OXSR1: variants seen among roughly 807,000 people sequenced by gnomAD.
The protein encoded by OXSR1 is oxidative stress responsive kinase 1.
Under a neutral mutation model 79.8 loss-of-function variants are expected in OXSR1, and 24 were observed. The ratio of observed to expected loss-of-function variants is 0.30; its 90% CI spans 0.22 to 0.42. The LOEUF (loss-of-function observed/expected upper bound fraction) is 0.42, where lower values mean the gene tolerates loss of function less well. OXSR1 is among the 10% of genes least tolerant of loss of function. OXSR1 has a pLI of 1.00. For synonymous variants in OXSR1, 226 were observed against 209.2 expected (o/e 1.08, Z -0.69); for missense variants, 430 against 618.4 (o/e 0.70, Z 3.23).
chr3:38,235,767 G>A (rs767749448), intron 10 of OXSR1, among the ~76,000 whole-genome samples: 4 of 152,194 alleles, frequency 2.6e-5, no homozygotes, highest in Non-Finnish European at 4.4e-5. Flanking sequence ...AATTACTGAT[G>A]CAGCCTTTTC....
intron 3 of OXSR1, among the ~76,000 whole-genome samples, chr3:38,196,716 C>T (rs1702078445): frequency 6.6e-6 from 1 of 152,114 alleles, no homozygotes; most frequent in African/African-American, 2.4e-5. Context: ...TTTTTATGTG[C>T]CCCAAGATAT....
rs770829518 is a variant in OXSR1, at chr3:38,252,933, T to C, written c.*42T>C. The C allele has an allele frequency of 9.5e-6, 14 of 1,478,360 alleles. 1 individual carries two copies. In the East Asian group the frequency reaches 3.2e-4, roughly 33 times the overall value. 91.6% of individuals were successfully genotyped at this position (1,478,360 alleles called of 1,614,324 possible). On this transcript the variant is annotated 3_prime_UTR_variant, in exon 18 of 18. Coordinates refer to ENST00000311806, the MANE Select transcript of OXSR1 (RefSeq NM_005109.3). ...AGGCGGCCTAAGGAGATTCCACACATGCGTATCTCTGTTGCTTCTATTGGC... is the reference window on the plus strand; with the variant it reads ...AGGCGGCCTAAGGAGATTCCACACACGCGTATCTCTGTTGCTTCTATTGGC...
intron 3 of OXSR1, chr3:38,193,392 C>A (rs538305159): frequency 1.6e-4 from 202 of 1,288,282 alleles, no homozygotes; most frequent in Non-Finnish European, 2.0e-4. Context: ...ATGGTTCTTT[C>A]AGTATGGAGA....
intron 13 of OXSR1, among the ~76,000 whole-genome samples, chr3:38,246,864 G>A (rs1331285706): frequency 3.9e-5 from 6 of 152,116 alleles, no homozygotes; most frequent in Non-Finnish European, 8.8e-5. Context: ...ATGGTACATG[G>A]TTAAAGTAAG....
At chr3:38,224,944 G>T (rs1702661839) in intron 8 of OXSR1, 1 of 236,736 alleles carries the variant, frequency 4.2e-6, no homozygotes, top group African/African-American at 2.3e-5. Context: ...GTTGTACATT[G>T]TGAATTCTGT....
intron 4 of OXSR1, among the ~76,000 whole-genome samples, chr3:38,211,028 G>T (rs1165507673): frequency 2.0e-5 from 3 of 152,144 alleles, no homozygotes; most frequent in Non-Finnish European, 4.4e-5. Flanking sequence ...AGGCCTGCTT[G>T]CCAAATAAAC....
intron 5 of OXSR1, among the ~76,000 whole-genome samples, chr3:38,218,465 C>A (rs949461473): frequency 2.6e-5 from 4 of 152,144 alleles, no homozygotes; most frequent in Admixed American, 1.3e-4. Context: ...TGTATATCTT[C>A]TTTGGAGAAA....
At chr3:38,166,937 G>T (rs997297894) in intron 1 of OXSR1, among the ~76,000 whole-genome samples, 1 of 152,284 alleles carries the variant, frequency 6.6e-6, no homozygotes, top group East Asian at 1.9e-4. Flanking sequence ...TAACATTTCA[G>T]TTGAGCCCTG....
intron 3 of OXSR1, among the ~76,000 whole-genome samples, chr3:38,192,243 G>T (rs953125277): frequency 6.6e-6 from 1 of 152,092 alleles, no homozygotes; most frequent in African/African-American, 2.4e-5. Context: ...AGTCACTCTT[G>T]TGTCCTCTTG....
intron 2 of OXSR1, among the ~76,000 whole-genome samples, chr3:38,185,078 C>T (rs921813059): frequency 3.3e-4 from 50 of 150,038 alleles, no homozygotes; most frequent in African/African-American, 1.1e-3. Flanking sequence ...ACATTGATCG[C>T]ACCATTGCAT....
At chr3:38,198,928 A>C in intron 4 of OXSR1, 65 bp downstream of exon 4, 1 of 1,372,354 alleles carries the variant, frequency 7.3e-7, no homozygotes, top group Non-Finnish European at 1.0e-6. Flanking sequence ...TCTTTTACAG[A>C]ATCGTGATCT....
intron 16 of OXSR1, 80 bp from the exon 17 acceptor site, chr3:38,252,248 C>T (rs920550450): frequency 2.1e-6 from 2 of 944,010 alleles, no homozygotes; most frequent in Non-Finnish European, 1.8e-6. Context: ...TCTTAACTAC[C>T]ATTTAAGCTT....
intron 1 of OXSR1, among the ~76,000 whole-genome samples, chr3:38,178,065 C>T (rs1412705541): frequency 6.6e-6 from 1 of 152,156 alleles, no homozygotes; most frequent in Non-Finnish European, 1.5e-5. Flanking sequence ...TCTTGTGTCT[C>T]GGCCTCCTGA....
At chr3:38,251,330 C>T in intron 15 of OXSR1, 73 bp from the exon 16 acceptor site, 1 of 1,225,692 alleles carries the variant, frequency 8.2e-7, no homozygotes, top group Non-Finnish European at 1.2e-6. Flanking sequence ...ACACTGACAC[C>T]CACATGAGCT....
chr3:38,243,509 T>A (rs1299026371), intron 12 of OXSR1, among the ~76,000 whole-genome samples: 1 of 152,204 alleles, frequency 6.6e-6, no homozygotes, highest in African/African-American at 2.4e-5. Flanking sequence ...TGGTTTTCCC[T>A]ATTCTCATTA....
chr3:38,181,955 A>G (rs949109717), intron 1 of OXSR1, among the ~76,000 whole-genome samples: 2 of 152,060 alleles, frequency 1.3e-5, no homozygotes, highest in East Asian at 1.9e-4. Flanking sequence ...TCCTGGCCTT[A>G]GATGATCCTC....
At chr3:38,171,084 G>A (rs1701572207) in intron 1 of OXSR1, among the ~76,000 whole-genome samples, 1 of 152,110 alleles carries the variant, frequency 6.6e-6, no homozygotes, top group African/African-American at 2.4e-5. Context: ...GCCAAGGGAA[G>A]TATCTATCCT....
intron 2 of OXSR1, among the ~76,000 whole-genome samples, chr3:38,186,719 A>G (rs555202668): frequency 2.6e-5 from 4 of 152,240 alleles, no homozygotes; most frequent in Non-Finnish European, 5.9e-5. Flanking sequence ...GTTGTTGGGC[A>G]TTTGGGCTGT....
At chr3:38,182,950 C>T (rs1177449220) in intron 1 of OXSR1, 53 bp from the exon 2 acceptor site, 1 of 947,118 alleles carries the variant, frequency 1.1e-6, no homozygotes, top group African/African-American at 1.6e-5. Flanking sequence ...TTAGAAATGT[C>T]ATGTTTTTAT....
Sources: gnomAD v4.1 joint callset for allele counts (sites outside exome capture counted in the v4.1 genomes callset) on GRCh38, gnomAD v4.1.1 for gene constraint, MANE v1.5 for transcripts, NCBI Gene and HGNC (gene_info 2026-07-23, HGNC 2026-07-21) for gene names.